Variants in RAMP2 observed in about 807,000 individuals in gnomAD.
The protein encoded by RAMP2 is receptor activity modifying protein 2, also known as receptor activity-modifying protein 2.
A neutral mutation model predicts 18.2 loss-of-function variants in RAMP2; 11 were observed. That is an observed-to-expected ratio of 0.60 (90% confidence interval 0.38 to 1.00). RAMP2 has a LOEUF of 1.00. RAMP2 is among the 50% of genes least tolerant of loss of function. The pLI is 0.01. For missense variants in RAMP2, 191 were observed against 226.5 expected, an observed-to-expected ratio of 0.84 and a Z score of 1.01; for synonymous variants, 86 against 90.8, an observed-to-expected ratio of 0.95 and a Z score of 0.30.
rs1057160046 is a variant in RAMP2, at chr17:42,761,699, C to G, written c.98-135C>G. The G allele has an allele frequency of 2.6e-6, 2 of 762,118 alleles. No individual in the cohort carries two copies. The highest frequency in any genetic ancestry group is 4.4e-6 in the Non-Finnish European group (2 of 455,876). The allele number at this position is 762,118 out of a possible 1,614,324, so 47.2% of individuals were successfully genotyped here. ...CCTCCCTCCCCGGCACTGAGGCGTC[C>G]GTGGGGGCTAGATTATTCCTCCTTT... On this transcript the variant is annotated intron_variant, in intron 1 of 3. Coordinates refer to ENST00000253796, the MANE Select transcript of RAMP2 (RefSeq NM_005854.3). This position sits in a 1 kb window ranked among gnomAD's most constrained non-coding sequence, Gnocchi z 4.2.
intron 2 of RAMP2, 52 bp from the exon 3 acceptor site, chr17:42,762,303 G>T: frequency 6.2e-7 from 1 of 1,612,692 alleles, no homozygotes; most frequent in Non-Finnish European, 8.5e-7. Context: ...GGGCAGGAGG[G>T]TTTGTAGGGA....
Position 42,761,274 on chromosome 17 carries a change from C to G in RAMP2, c.13C>G (p.Arg5Gly). The change falls in exon 1 of 4, where the codon CGG becomes GGG. Residue 5 changes from arginine to glycine, a missense_variant. By Grantham distance (125) the Arg-to-Gly change is moderately radical. Coordinates refer to ENST00000253796, the MANE Select transcript of RAMP2 (RefSeq NM_005854.3). This position sits in a 1 kb window ranked among gnomAD's most constrained non-coding sequence, Gnocchi z 4.2. ...TCCTTGCTGCACGATGGCCTCGCTC[C>G]GGGTGGAGCGCGCCGGCGGCCCGCG... The part of the protein sequence containing the change: MASL[R>G]VERAGGPRLP... The G allele has an allele frequency of 7.0e-7, 1 of 1,425,124 alleles. No homozygotes were observed. Among genetic ancestry groups the G allele is most frequent in the Non-Finnish European group, 9.1e-7 (1 of 1,094,516 alleles). 88.3% of individuals were successfully genotyped at this position (1,425,124 alleles called of 1,614,324 possible). A position where few individuals can be genotyped will look rare whatever the true frequency, so the allele number is the denominator to read the frequency against.
Position 42,761,452 on chromosome 17 carries a change from A to G in RAMP2, c.97+94A>G. ...GAGGGGCTGGATGGCCGAGGCCGGAACGGGCCCTGGGGTGCGGGTTAGGAC... is the reference window on the plus strand; with the variant it reads ...GAGGGGCTGGATGGCCGAGGCCGGAGCGGGCCCTGGGGTGCGGGTTAGGAC... On this transcript the variant is annotated intron_variant, in intron 1 of 3. Transcript: ENST00000253796. This position sits in a 1 kb window ranked among gnomAD's most constrained non-coding sequence, Gnocchi z 4.2. 1 of 1,069,570 alleles carries G rather than the reference A, an allele frequency of 9.3e-7. No homozygotes were observed. The highest frequency in any genetic ancestry group is 1.2e-6 in the Non-Finnish European group (1 of 813,162). The allele number at this position is 1,069,570 out of a possible 1,614,324, so 66.3% of individuals were successfully genotyped here.
At chr17:42,762,077 C>G (rs557918354) in intron 2 of RAMP2, among the ~76,000 whole-genome samples, 178 bp downstream of exon 2, 2 of 152,166 alleles carry the variant, frequency 1.3e-5, no homozygotes, top group Non-Finnish European at 2.9e-5. Context: ...AGCCCCTGCA[C>G]GGCTCTGAGC....
chr17:42,762,350 T>C lies in RAMP2; in HGVS notation c.164-5T>C. On this transcript the variant is annotated splice_region_variant and splice_polypyrimidine_tract_variant and intron_variant, in intron 2 of 3. Coordinates refer to ENST00000253796, the MANE Select transcript of RAMP2 (RefSeq NM_005854.3). ...GTGGTCATTGTGTAGCATCTGTACCTACAGGGGGGACGGTGAAGAACTATG... is the reference window on the plus strand; with the variant it reads ...GTGGTCATTGTGTAGCATCTGTACCCACAGGGGGGACGGTGAAGAACTATG... The C allele has an allele frequency of 6.2e-7, 1 of 1,614,052 alleles. No individual in the cohort carries two copies. Among genetic ancestry groups the C allele is most frequent in the African/African-American group, 1.3e-5 (1 of 75,012 alleles).
rs760159055 is a variant in RAMP2, at chr17:42,762,428, C to A, written c.237C>A (p.Ile79=). 6.2e-7 allele frequency: 1 copy of A among 1,614,090 alleles called. No individual in the cohort carries two copies. The highest frequency in any genetic ancestry group is 8.5e-7 in the Non-Finnish European group (1 of 1,179,994). ...ATTATAAGGATCAAATGGATCCTAT[C>A]GAAAAGGATTGGTGCGACTGGGCCA... is the stretch of plus-strand genomic sequence containing the variant. ...WNHYKDQMDP[I]EKDWCDWAMI... The change falls in exon 3 of 4, where the codon ATC becomes ATA. Residue 79 remains isoleucine (I), a synonymous_variant. Transcript: ENST00000253796.
chr17:42,761,348 C>T lies in RAMP2; in HGVS notation c.87C>T (p.Leu29=), dbSNP rs9892728. ...VGRPAALRLL[L]LLGAVLNPHE... is the part of the protein sequence containing the mutation. ...GGCCGGCAGCGCTCCGCCTCCTCCTCCTGCTGGGCGGTGAGCGCGGCGCCC... is the reference window on the plus strand; with the variant it reads ...GGCCGGCAGCGCTCCGCCTCCTCCTTCTGCTGGGCGGTGAGCGCGGCGCCC... The change falls in exon 1 of 4, where the codon CTC becomes CTT. Residue 29 remains leucine (L), a synonymous_variant. Coordinates refer to ENST00000253796, the MANE Select transcript of RAMP2 (RefSeq NM_005854.3). This position sits in a 1 kb window ranked among gnomAD's most constrained non-coding sequence, Gnocchi z 4.2. 602,058 of 1,344,550 alleles carry T rather than the reference C, an allele frequency of 0.45. 138,085 individuals carry two copies. The highest frequency in any genetic ancestry group is 0.56 in the Middle Eastern group (2,023 of 3,628). The allele number at this position is 1,344,550 out of a possible 1,614,324, so 83.3% of individuals were successfully genotyped here. A position where few individuals can be genotyped will look rare whatever the true frequency, so the allele number is the denominator to read the frequency against.
In RAMP2 at chr17:42,762,895, AC is replaced by A. The variant is rs2054374801; in HGVS notation, c.*48del. ...AACAACCATGTTACTCCACTTCCCCACCCCCACCAGGCCTCCCTCCTCCCCT... is the reference window on the plus strand; with the variant it reads ...AACAACCATGTTACTCCACTTCCCCACCCCACCAGGCCTCCCTCCTCCCCT... On this transcript the variant is annotated 3_prime_UTR_variant, in exon 4 of 4. Coordinates refer to ENST00000253796, the MANE Select transcript of RAMP2 (RefSeq NM_005854.3). The A allele has an allele frequency of 4.6e-6, 7 of 1,513,068 alleles. No homozygotes were observed. Among genetic ancestry groups the A allele is most frequent in the African/African-American group, 1.4e-5 (1 of 71,464 alleles). The allele number at this position is 1,513,068 out of a possible 1,614,324, so 93.7% of individuals were successfully genotyped here.
Position 42,762,987 on chromosome 17 carries a change from T to A in RAMP2, c.*135T>A. On this transcript the variant is annotated 3_prime_UTR_variant, in exon 4 of 4. Coordinates refer to ENST00000253796, the MANE Select transcript of RAMP2 (RefSeq NM_005854.3). ...TGGATTGCTGGGAATGGAAGCCAGGTGGGGTCATGGCACAAGTTCTGTAAT... is the reference window on the plus strand; with the variant it reads ...TGGATTGCTGGGAATGGAAGCCAGGAGGGGTCATGGCACAAGTTCTGTAAT... 9.4e-7 allele frequency: 1 copy of A among 1,062,614 alleles called. No homozygotes were observed. Among genetic ancestry groups the A allele is most frequent in the East Asian group, 2.6e-5 (1 of 38,654 alleles). 65.8% of individuals were successfully genotyped at this position (1,062,614 alleles called of 1,614,324 possible). A position where few individuals can be genotyped will look rare whatever the true frequency, so the allele number is the denominator to read the frequency against.
Position 42,762,584 on chromosome 17 carries a change from C to A in RAMP2, c.273-13C>A. On this transcript the variant is annotated splice_polypyrimidine_tract_variant and intron_variant, in intron 3 of 3. Coordinates refer to ENST00000253796, the MANE Select transcript of RAMP2 (RefSeq NM_005854.3). ...CCACCCCCTCTCTCACTCAAGTCCT[C>A]TTCTGCCCCTAGGCCTTATAGCACC... 5 of 1,608,396 alleles carry A rather than the reference C, an allele frequency of 3.1e-6. No homozygotes were observed. The highest frequency in any genetic ancestry group is 4.3e-6 in the Non-Finnish European group (5 of 1,175,518).
In RAMP2 at chr17:42,762,749, C is replaced by G; in HGVS notation, c.425C>G (p.Pro142Arg). 1 of 1,614,146 alleles carries G rather than the reference C, an allele frequency of 6.2e-7. No individual in the cohort carries two copies. The highest frequency in any genetic ancestry group is 1.1e-5 in the South Asian group (1 of 91,092). The change falls in exon 4 of 4, where the codon CCA (proline) becomes CGA (arginine). Residue 142 changes from proline to arginine, a missense_variant. Coordinates refer to ENST00000253796, the MANE Select transcript of RAMP2 (RefSeq NM_005854.3). The part of the protein sequence containing the change: ...SLVQPTFSDP[P>R]EDVLLAMIIA... ...GTGCAGCCCACCTTCTCTGACCCCC[C>G]AGAGGATGTACTCCTGGCCATGATC...
chr17:42,762,278 A>T, intron 2 of RAMP2, 77 bp from the exon 3 acceptor site: 1 of 1,601,972 alleles, frequency 6.2e-7, no homozygotes, highest in Non-Finnish European at 8.5e-7. Flanking sequence ...CAGGCAGTTC[A>T]CCTTGCAAGC....
chr17:42,761,618 C>G lies in RAMP2; in HGVS notation c.98-216C>G, dbSNP rs1489928964. Among the ~76,000 whole-genome samples the G allele has an allele frequency of 2.0e-5, 3 of 152,122 alleles. No individual in the cohort carries two copies. The highest frequency in any genetic ancestry group is 4.4e-5 in the Non-Finnish European group (3 of 67,992). Reference sequence around the variant, plus strand: ...GAGGGCTTAGGAGGACGGAAGCTGGCCAGAGATGAGGGGGCTTTGGGCCTG... The same window carrying G: ...GAGGGCTTAGGAGGACGGAAGCTGGGCAGAGATGAGGGGGCTTTGGGCCTG... On this transcript the variant is annotated intron_variant, in intron 1 of 3. Coordinates refer to ENST00000253796, the MANE Select transcript of RAMP2 (RefSeq NM_005854.3). This position sits in a 1 kb window ranked among gnomAD's most constrained non-coding sequence, Gnocchi z 4.2.
In RAMP2 at chr17:42,761,240, C is replaced by G. The variant is rs1480060139; in HGVS notation, c.-22C>G. The G allele has an allele frequency of 6.9e-7, 1 of 1,448,654 alleles. No homozygotes were observed. Among genetic ancestry groups the G allele is most frequent in the Non-Finnish European group, 9.1e-7 (1 of 1,101,416 alleles). The allele number at this position is 1,448,654 out of a possible 1,614,324, so 89.7% of individuals were successfully genotyped here. A position where few individuals can be genotyped will look rare whatever the true frequency, so the allele number is the denominator to read the frequency against. ...CGGGCCCGGCTCAGCGCCGCCGCCG[C>G]TCCTCGCCTCCTTGCTGCACGATGG... On this transcript the variant is annotated 5_prime_UTR_variant, in exon 1 of 4. Transcript: ENST00000253796. This position sits in a 1 kb window ranked among gnomAD's most constrained non-coding sequence, Gnocchi z 4.2.
rs1410697483 is a variant in RAMP2 at position 42,761,424 on chromosome 17, G to C, written c.97+66G>C. 6 of 1,219,158 alleles carry C rather than the reference G, an allele frequency of 4.9e-6. No individual in the cohort carries two copies. Among genetic ancestry groups the C allele is most frequent in the Non-Finnish European group, 6.3e-6 (6 of 948,846 alleles). The allele number at this position is 1,219,158 out of a possible 1,614,324, so 75.5% of individuals were successfully genotyped here. A position where few individuals can be genotyped will look rare whatever the true frequency, so the allele number is the denominator to read the frequency against. ...GGCCCCGGAGGGGAGAGGGGAGAGG[G>C]GAGAGGGGCTGGATGGCCGAGGCCG... On this transcript the variant is annotated intron_variant, in intron 1 of 3. Coordinates refer to ENST00000253796, the MANE Select transcript of RAMP2 (RefSeq NM_005854.3). The surrounding 1 kb of genome is among the most constrained non-coding windows in gnomAD (Gnocchi z 4.2).
Position 42,762,938 on chromosome 17 carries a change from A to C in RAMP2, c.*86A>C. On this transcript the variant is annotated 3_prime_UTR_variant, in exon 4 of 4. Transcript: ENST00000253796. ...TCCTCCCCTCCTACTCCCTTTTCTC[A>C]CTCTCATCCCCACCACAGATCCCTG... is the stretch of plus-strand genomic sequence containing the variant. 2 of 1,369,684 alleles carry C rather than the reference A, an allele frequency of 1.5e-6. No homozygotes were observed. Among genetic ancestry groups the C allele is most frequent in the African/African-American group, 1.5e-5 (1 of 67,932 alleles). 84.8% of individuals were successfully genotyped at this position (1,369,684 alleles called of 1,614,324 possible).
rs1200916708 is a variant in RAMP2, at chr17:42,761,238, C to G, written c.-24C>G. The G allele has an allele frequency of 1.4e-6, 2 of 1,442,032 alleles. No homozygotes were observed. The highest frequency in any genetic ancestry group is 1.8e-6 in the Non-Finnish European group (2 of 1,096,182). 89.3% of individuals were successfully genotyped at this position (1,442,032 alleles called of 1,614,324 possible). On this transcript the variant is annotated 5_prime_UTR_variant, in exon 1 of 4. Coordinates refer to ENST00000253796, the MANE Select transcript of RAMP2 (RefSeq NM_005854.3). This position sits in a 1 kb window ranked among gnomAD's most constrained non-coding sequence, Gnocchi z 4.2. Reference sequence around the variant, plus strand: ...CCCGGGCCCGGCTCAGCGCCGCCGCCGCTCCTCGCCTCCTTGCTGCACGAT... The same window carrying G: ...CCCGGGCCCGGCTCAGCGCCGCCGCGGCTCCTCGCCTCCTTGCTGCACGAT...
Position 42,761,729 on chromosome 17 carries a change from C to G in RAMP2, c.98-105C>G. 2.1e-6 allele frequency: 2 copies of G among 971,604 alleles called. No homozygotes were observed. The highest frequency in any genetic ancestry group is 3.2e-6 in the Non-Finnish European group (2 of 624,640). 60.2% of individuals were successfully genotyped at this position (971,604 alleles called of 1,614,324 possible). On this transcript the variant is annotated intron_variant, in intron 1 of 3. Coordinates refer to ENST00000253796, the MANE Select transcript of RAMP2 (RefSeq NM_005854.3). This position sits in a 1 kb window ranked among gnomAD's most constrained non-coding sequence, Gnocchi z 4.2. Reference sequence around the variant, plus strand: ...GGGCTAGATTATTCCTCCTTTTCTTCCAAGGTAGCCTATTTTCGGAGGGTC... The same window carrying G: ...GGGCTAGATTATTCCTCCTTTTCTTGCAAGGTAGCCTATTTTCGGAGGGTC...
In RAMP2 at chr17:42,762,444, G is replaced by A. The variant is rs2054371309; in HGVS notation, c.253G>A (p.Asp85Asn). 6.2e-7 allele frequency: 1 copy of A among 1,614,054 alleles called. No individual in the cohort carries two copies. The highest frequency in any genetic ancestry group is 2.2e-5 in the East Asian group (1 of 44,878). Residue 85 changes from aspartate to asparagine, a missense_variant, in exon 3 of 4, where the codon GAC becomes AAC. Coordinates refer to ENST00000253796, the MANE Select transcript of RAMP2 (RefSeq NM_005854.3). ...QMDPIEKDWC[D>N]WAMISRPYST... is the part of the protein sequence containing the mutation. ...GGATCCTATCGAAAAGGATTGGTGCGACTGGGCCATGATTAGCAGGTAGGG... is the reference window on the plus strand; with the variant it reads ...GGATCCTATCGAAAAGGATTGGTGCAACTGGGCCATGATTAGCAGGTAGGG...
Sources: gnomAD v4.1 joint callset for allele counts (sites outside exome capture counted in the v4.1 genomes callset) on GRCh38, gnomAD v4.1.1 for gene constraint, Gnocchi (gnomAD v3.1) non-coding constraint, MANE v1.5 for transcripts, NCBI Gene and HGNC (gene_info 2026-07-23, HGNC 2026-07-21) for gene names.